The following LARS1 variants were observed in gnomAD, a reference collection of about 807,000 sequenced individuals.
LARS1 encodes the protein leucyl-tRNA synthetase 1, also known as leucine--tRNA ligase, cytoplasmic.
Under a neutral mutation model 162.8 loss-of-function variants are expected in LARS1, and 100 were observed. That is an observed-to-expected ratio of 0.61 (90% CI 0.52 to 0.73). The LOEUF is 0.73. LARS1 is among the 30% of genes least tolerant of loss of function. LARS1 has a pLI of 0.00. For missense variants in LARS1, 1,258 were observed against 1,408.9 expected (o/e 0.89, Z 1.71); for synonymous variants, 457 against 462.8 (o/e 0.99, Z 0.16).
chr5:146,157,765 T>C lies in LARS1; in HGVS notation c.802A>G (p.Lys268Glu). The C allele has an allele frequency of 6.2e-7, 1 of 1,614,108 alleles. No homozygotes were observed. Among genetic ancestry groups the C allele is most frequent in the East Asian group, 2.2e-5 (1 of 44,864 alleles). Residue 268 changes from lysine (K) to glutamate (E), a missense_variant, in exon 9 of 32, where the codon AAA becomes GAA. Transcript: ENST00000394434. ...GVGPQEYTLL[K>E]LKVLEPYPSK... ...GGGTATGGCTCAAGCACCTTCAATT[T>C]GAGTAAAGTATATTCCTGAGGTCCA... is the stretch of plus-strand genomic sequence containing the variant.
rs1426603161 is a variant in LARS1, at chr5:146,153,923, G to A, written c.1123C>T (p.Leu375Phe). 1 of 1,611,828 alleles carries A rather than the reference G, an allele frequency of 6.2e-7. No homozygotes were observed. Among genetic ancestry groups the A allele is most frequent in the Non-Finnish European group, 8.5e-7 (1 of 1,179,054 alleles). ...TCCTCCTTAATAGTTAGCATTGGGA[G>A]AACATAGATCACCTTGTATGATGTT... ...PLTSYKVIYV[L>F]PMLTIKEDKG... Residue 375 changes from leucine (L) to phenylalanine (F), a missense_variant, in exon 11 of 32, where the codon CTC becomes TTC. By Grantham distance (22) the Leu-to-Phe change is conservative (BLOSUM62 0). Coordinates refer to ENST00000394434, the MANE Select transcript of LARS1 (RefSeq NM_020117.11).
At chr5:146,154,998 T>C (rs1054655011) in intron 10 of LARS1, among the ~76,000 whole-genome samples, 3 of 151,666 alleles carry the variant, frequency 2.0e-5, no homozygotes, top group Admixed American at 2.0e-4. Flanking sequence ...ATTACAGGCA[T>C]GCACCACCAC....
chr5:146,119,684 A>C (rs1383990810), intron 31 of LARS1, among the ~76,000 whole-genome samples: 4 of 152,162 alleles, frequency 2.6e-5, no homozygotes, highest in Admixed American at 1.3e-4. Flanking sequence ...ATTACATTGA[A>C]TCTAATCACA....
chr5:146,182,418 C>G, intron 1 of LARS1, 70 bp downstream of exon 1: 1 of 1,594,312 alleles, frequency 6.3e-7, no homozygotes, highest in South Asian at 1.1e-5. Context: ...CAGGACAGCA[C>G]ATGGAGAGCC....
intron 31 of LARS1, 112 bp downstream of exon 31, chr5:146,120,256 CATA>C: frequency 1.8e-6 from 2 of 1,114,896 alleles, no homozygotes; most frequent in Admixed American, 4.6e-5. Context: ...GTACTTTTTC[CATA>C]ATAATACACA....
intron 6 of LARS1, among the ~76,000 whole-genome samples, chr5:146,163,092 A>G (rs1468716892): frequency 6.6e-6 from 1 of 152,180 alleles, no homozygotes; most frequent in Non-Finnish European, 1.5e-5. Context: ...TGCAGGCATG[A>G]GCCACCACAC....
At chr5:146,160,679 T>C (rs1753743015) in intron 6 of LARS1, among the ~76,000 whole-genome samples, 193 bp from the exon 7 acceptor site, 1 of 152,190 alleles carries the variant, frequency 6.6e-6, no homozygotes, top group African/African-American at 2.4e-5. Flanking sequence ...TTTAAGCATA[T>C]ACATATACAT....
At chr5:146,134,265 C>T (rs1269700000) in intron 22 of LARS1, among the ~76,000 whole-genome samples, 1 of 152,212 alleles carries the variant, frequency 6.6e-6, no homozygotes, top group African/African-American at 2.4e-5. Flanking sequence ...TTATTTATAG[C>T]TTCTTTTTCT....
intron 15 of LARS1, among the ~76,000 whole-genome samples, chr5:146,147,155 T>G (rs1215902909): frequency 6.6e-6 from 1 of 152,226 alleles, no homozygotes; most frequent in African/African-American, 2.4e-5. Flanking sequence ...TGAAGCCTAG[T>G]GACAAGTCCT....
At chr5:146,162,799 G>A (rs529784555) in intron 6 of LARS1, among the ~76,000 whole-genome samples, 3 of 152,202 alleles carry the variant, frequency 2.0e-5, no homozygotes, top group Non-Finnish European at 4.4e-5. Flanking sequence ...ATAACTTGCT[G>A]CAGCTTCTAC....
At chr5:146,126,031 TGA>T (rs1346103729) in intron 28 of LARS1, among the ~76,000 whole-genome samples, 3 of 152,046 alleles carry the variant, frequency 2.0e-5, no homozygotes, top group African/African-American at 7.2e-5. Flanking sequence ...AGAGCTATGC[TGA>T]GACACCCTGG....
rs747237667 is a variant in LARS1 at position 146,171,915 on chromosome 5, T to C, written c.289A>G (p.Ile97Val). Residue 97 changes from isoleucine to valine, a missense_variant, in exon 4 of 32, where the codon ATT becomes GTT. Physicochemically the swap from Ile to Val is conservative, Grantham distance 29. Transcript: ENST00000394434. ...AATCCTATTAGCGATCTTACCTTAA[T>C]AGGCATTCCAGTACAGTGCAGGCCA... The part of the protein sequence containing the change: ...PFGLHCTGMP[I>V]KACADKLKRE... The C allele has an allele frequency of 2.2e-5, 35 of 1,611,670 alleles. No individual in the cohort carries two copies. Among genetic ancestry groups the C allele is most frequent in the Non-Finnish European group, 2.8e-5 (33 of 1,178,458 alleles).
At position 146,135,538 on chromosome 5, in the gene LARS1, C is replaced by T. The variant is rs371898693; in HGVS notation, c.2212+63G>A. ...AGTAAAATTAAAACACCAATTTTAA[C>T]GTGTCTTCTATAATCTGAGAACTGG... On this transcript the variant is annotated intron_variant, in intron 22 of 31. Transcript: ENST00000394434. The T allele has an allele frequency of 4.9e-4, 587 of 1,194,762 alleles. 7 individuals are homozygous for T. In the South Asian group the frequency reaches 7.9e-3, roughly 16 times the overall value. 74.0% of individuals were successfully genotyped at this position (1,194,762 alleles called of 1,614,324 possible).
At chr5:146,123,629 G>A (rs1436672811) in intron 29 of LARS1, among the ~76,000 whole-genome samples, 1 of 151,260 alleles carries the variant, frequency 6.6e-6, no homozygotes, top group African/African-American at 2.4e-5. Context: ...AGGGAGGGGG[G>A]AAAAAAGGCA....
chr5:146,181,848 C>CTTTTTTTTTTTTTTT (rs34658033), intron 1 of LARS1, among the ~76,000 whole-genome samples: 604 of 53,028 alleles, frequency 0.011, 120 homozygotes, highest in East Asian at 0.014. Context: ...TCAATTTTTT[C>CTTTTTTTTTTTTTTT]TTTTTTTTTT....
intron 31 of LARS1, among the ~76,000 whole-genome samples, chr5:146,119,985 C>T (rs1751745935): frequency 6.6e-6 from 1 of 152,152 alleles, no homozygotes; most frequent in African/African-American, 2.4e-5. Context: ...TGTTTCTCTT[C>T]CTTCTCAAGG....
In LARS1 at chr5:146,142,985, C is replaced by A. The variant is rs767923090; in HGVS notation, c.1977G>T (p.Lys659Asn). ...QIAKEKLDQL[K>N]QEFEFWYPVD... is the part of the protein sequence containing the mutation. ...CAGGATACCAGAATTCAAACTCCTGCTTTAACTGATCTAATTTTTCCTTTG... is the reference window on the plus strand; with the variant it reads ...CAGGATACCAGAATTCAAACTCCTGATTTAACTGATCTAATTTTTCCTTTG... The change falls in exon 20 of 32, where the codon AAG becomes AAT. Residue 659 changes from lysine to asparagine, a missense_variant. Physicochemically the swap from Lys to Asn is moderately conservative, Grantham distance 94. Coordinates refer to ENST00000394434, the MANE Select transcript of LARS1 (RefSeq NM_020117.11). 6.2e-7 allele frequency: 1 copy of A among 1,613,904 alleles called. No individual in the cohort carries two copies. Among genetic ancestry groups the A allele is most frequent in the South Asian group, 1.1e-5 (1 of 91,078 alleles).
rs1020602589 is a variant in LARS1 at position 146,136,726 on chromosome 5, C to T, written c.2149-1062G>A. 3.9e-5 allele frequency among the ~76,000 whole-genome samples: 6 copies of T among 152,022 alleles called. No homozygotes were observed. The East Asian group carries it at 9.7e-4, about 25-fold the overall frequency. On this transcript the variant is annotated intron_variant, in intron 21 of 31. Coordinates refer to ENST00000394434, the MANE Select transcript of LARS1 (RefSeq NM_020117.11). ...CTAACTCCTGACCTCGTGATCTGCC[C>T]GCCCTGGCATCCCAAAGTGCTGCAA...
At chr5:146,156,820 C>T (rs565642718) in intron 10 of LARS1, among the ~76,000 whole-genome samples, 1 of 148,326 alleles carries the variant, frequency 6.7e-6, no homozygotes, top group African/African-American at 2.5e-5. Flanking sequence ...TTTAGTATTA[C>T]CAGGAATTCA....
Sources: allele counts gnomAD v4.1 joint callset (sites outside exome capture counted in the v4.1 genomes callset), GRCh38; gene constraint gnomAD v4.1.1; transcripts MANE v1.5; gene names NCBI Gene and HGNC (gene_info 2026-07-23, HGNC 2026-07-21).